Variants in AGBL4 observed in about 807,000 individuals in gnomAD.
The protein encoded by AGBL4 is cytosolic carboxypeptidase 6.
Under a neutral mutation model 66.4 loss-of-function variants are expected in AGBL4, and 58 were observed. That is an observed-to-expected ratio of 0.87 (90% CI 0.71 to 1.09). AGBL4 has a LOEUF of 1.09. AGBL4 is among the 50% of genes least tolerant of loss of function. The probability of loss-of-function intolerance (pLI) is 0.00; values close to 1 mark genes in which losing one functional copy is unlikely to be tolerated. For missense variants in AGBL4, 579 were observed against 631.0 expected (o/e 0.92, Z 0.88); for synonymous variants, 234 against 222.9 (o/e 1.05, Z -0.44).
At chr1:48,806,294 T>A (rs1645922405) in intron 6 of AGBL4, among the ~76,000 whole-genome samples, 1 of 152,188 alleles carries the variant, frequency 6.6e-6, no homozygotes, top group African/African-American at 2.4e-5. Flanking sequence ...GGCAAAAAGA[T>A]GTGACTTCTC....
At chr1:49,583,683 C>A (rs779773794) in intron 3 of AGBL4, among the ~76,000 whole-genome samples, 5 of 152,050 alleles carry the variant, frequency 3.3e-5, no homozygotes, top group Admixed American at 3.3e-4. Flanking sequence ...TGGAAAACAG[C>A]GACACATTTG....
intron 6 of AGBL4, among the ~76,000 whole-genome samples, chr1:48,739,553 A>T (rs377501711): frequency 6.6e-6 from 1 of 152,150 alleles, no homozygotes; most frequent in African/African-American, 2.4e-5. Context: ...TGGGTGCTGG[A>T]GCTGCCAGCC....
chr1:49,491,948 G>C (rs1158065784), intron 3 of AGBL4, among the ~76,000 whole-genome samples: 1 of 151,614 alleles, frequency 6.6e-6, no homozygotes, highest in Non-Finnish European at 1.5e-5. Context: ...TATAAATTAG[G>C]CACAGTTTGA....
chr1:48,826,092 G>T (rs1228028228), intron 6 of AGBL4, among the ~76,000 whole-genome samples: 2 of 152,072 alleles, frequency 1.3e-5, no homozygotes, highest in African/African-American at 2.4e-5. Context: ...CAAGCTTCAA[G>T]GAACAACTTC....
intron 11 of AGBL4, among the ~76,000 whole-genome samples, chr1:48,543,114 C>T (rs1156730877): frequency 1.3e-5 from 2 of 152,166 alleles, no homozygotes; most frequent in African/African-American, 4.8e-5. Flanking sequence ...CTCTCCAGCA[C>T]CTGCACCATT....
At chr1:48,526,631 T>A in the AGBL4 span, among the ~76,000 whole-genome samples, 3 of 151,958 alleles carry the variant, frequency 2.0e-5, no homozygotes, top group Admixed American at 2.0e-4. Context: ...ACAGGAGCAG[T>A]AATAGTAGTA....
At chr1:49,441,649 T>C (rs1646033545) in intron 3 of AGBL4, among the ~76,000 whole-genome samples, 1 of 152,186 alleles carries the variant, frequency 6.6e-6, no homozygotes, top group African/African-American at 2.4e-5. Context: ...CTATAATTTC[T>C]CTTCTCTGTA....
intron 5 of AGBL4, among the ~76,000 whole-genome samples, chr1:49,040,673 C>T (rs938571677): frequency 2.6e-5 from 4 of 151,966 alleles, no homozygotes; most frequent in African/African-American, 7.2e-5. Context: ...ATCCATATTA[C>T]GGTGCTAAGT....
chr1:49,666,324 G>A (rs1646366491), intron 3 of AGBL4, among the ~76,000 whole-genome samples: 1 of 152,108 alleles, frequency 6.6e-6, no homozygotes, highest in Non-Finnish European at 1.5e-5. Flanking sequence ...TAGCACTTTG[G>A]AAGGCCCAAG....
intron 5 of AGBL4, among the ~76,000 whole-genome samples, chr1:48,893,404 G>A (rs769176464): frequency 3.3e-5 from 5 of 152,070 alleles, no homozygotes; most frequent in Admixed American, 1.3e-4. Context: ...ACTCCAGGCC[G>A]GGCGTGGTGG....
intron 3 of AGBL4, among the ~76,000 whole-genome samples, chr1:49,390,008 T>C (rs547646789): frequency 6.6e-6 from 1 of 152,308 alleles, no homozygotes; most frequent in African/African-American, 2.4e-5. Flanking sequence ...GGCTAGTCCC[T>C]TGGACTCTGT....
chr1:48,976,743 G>A (rs901130381), intron 5 of AGBL4, among the ~76,000 whole-genome samples: 1 of 151,924 alleles, frequency 6.6e-6, no homozygotes, highest in Non-Finnish European at 1.5e-5. Context: ...TCTCTGCCTG[G>A]AATGCTCTTC....
intron 6 of AGBL4, among the ~76,000 whole-genome samples, chr1:48,720,908 C>T (rs921998263): frequency 2.0e-5 from 3 of 151,030 alleles, no homozygotes; most frequent in African/African-American, 7.3e-5. Context: ...TAGATGGTAA[C>T]AGGCTCTTAG....
chr1:48,574,155 G>T (rs1458857428), intron 11 of AGBL4, among the ~76,000 whole-genome samples: 1 of 152,196 alleles, frequency 6.6e-6, no homozygotes, highest in Non-Finnish European at 1.5e-5. Context: ...GCAATCAGAG[G>T]ATTTAATATC....
At chr1:49,819,621 A>G (rs545461722) in intron 2 of AGBL4, among the ~76,000 whole-genome samples, 1 of 152,314 alleles carries the variant, frequency 6.6e-6, no homozygotes, top group Non-Finnish European at 1.5e-5. Flanking sequence ...AAGATAATTT[A>G]TTGAGATGCT....
At chr1:49,302,612 T>TATTTTATTTTATTTC (rs1644771331) in intron 3 of AGBL4, among the ~76,000 whole-genome samples, 2 of 75,418 alleles carry the variant, frequency 2.7e-5, no homozygotes, top group Non-Finnish European at 4.5e-5. Flanking sequence ...TTTATTTTTT[T>TATTTTATTTTATTTC]ATTTTATTTT....
chr1:48,806,521 T>C (rs1222853630), intron 6 of AGBL4, among the ~76,000 whole-genome samples: 3 of 152,180 alleles, frequency 2.0e-5, no homozygotes, highest in African/African-American at 4.8e-5. Flanking sequence ...TCTTCTGCCC[T>C]CAGATATTCC....
At chr1:48,746,648 A>C (rs1191133397) in intron 6 of AGBL4, among the ~76,000 whole-genome samples, 1 of 152,222 alleles carries the variant, frequency 6.6e-6, no homozygotes, top group African/African-American at 2.4e-5. Context: ...AAGCCAACCA[A>C]AGGTACATCT....
At chr1:49,282,865 G>A (rs1378885692) in intron 3 of AGBL4, among the ~76,000 whole-genome samples, 3 of 152,164 alleles carry the variant, frequency 2.0e-5, no homozygotes, top group Non-Finnish European at 4.4e-5. Context: ...GGCTTGGAGG[G>A]TCCTAGGCCC....
Sources: gnomAD v4.1 joint callset for allele counts (sites outside exome capture counted in the v4.1 genomes callset) on GRCh38, gnomAD v4.1.1 for gene constraint, MANE v1.5 for transcripts, NCBI Gene and HGNC (gene_info 2026-07-23, HGNC 2026-07-21) for gene names.